The following TLL1 variants were observed in gnomAD, a reference collection of about 807,000 sequenced individuals.
The protein encoded by TLL1 is tolloid like 1.
A neutral mutation model predicts 128.2 loss-of-function variants in TLL1; 49 were observed. The observed-to-expected ratio is 0.38, with a 90% CI of 0.30 to 0.48. The LOEUF is 0.48. Ranked by LOEUF, TLL1 falls within the 20% of genes least tolerant of loss-of-function variation. The pLI is 0.96. For missense variants in TLL1, 1,123 were observed against 1,242.0 expected (o/e 0.90, Z 1.44); for synonymous variants, 454 against 418.8 (o/e 1.08, Z -1.03).
At chr4:165,968,492 C>T (rs931284288) in intron 1 of TLL1, among the ~76,000 whole-genome samples, 2 of 152,024 alleles carry the variant, frequency 1.3e-5, no homozygotes, top group Non-Finnish European at 2.9e-5. Flanking sequence ...ACTTTTTTCC[C>T]CACTATTCTA....
At chr4:166,080,803 T>C (rs1741254033) in intron 18 of TLL1, among the ~76,000 whole-genome samples, 1 of 152,058 alleles carries the variant, frequency 6.6e-6, no homozygotes, top group South Asian at 2.1e-4. Context: ...TTTCTTAGGG[T>C]GGAGGCTGGG....
Position 165,873,858 on chromosome 4 carries a change from G to A in TLL1, c.-47G>A. On this transcript the variant is annotated 5_prime_UTR_variant, in exon 1 of 21. Coordinates refer to ENST00000061240, the MANE Select transcript of TLL1 (RefSeq NM_012464.5). The stretch of plus-strand genomic sequence containing the variant: ...CCGCACATCAGCGCGGACCGCGGCT[G>A]CCTAACCTCTGGGTCCCGTCCCCTC... 1.2e-6 allele frequency: 2 copies of A among 1,610,362 alleles called. No individual in the cohort carries two copies. The highest frequency in any genetic ancestry group is 1.1e-5 in the South Asian group (1 of 90,900).
rs1456044404 is a variant in TLL1 at position 165,989,433 on chromosome 4, A to G, written c.222A>G (p.Gln74=). The change falls in exon 2 of 21, where the codon CAA becomes CAG. Residue 74 remains glutamine (Q), a synonymous_variant. Transcript: ENST00000061240. ...ALDDEDLNIF[Q]IDRTIDLTQN... is the part of the protein sequence containing the mutation. ...ATGATGAAGACTTAAATATCTTTCA[A>G]ATAGATAGGACAATTGACCTTACGC... 2.5e-6 allele frequency: 4 copies of G among 1,612,920 alleles called. No individual in the cohort carries two copies. The highest frequency in any genetic ancestry group is 2.2e-5 in the East Asian group (1 of 44,798).
At chr4:165,956,027 AG>A (rs1734770510) in intron 1 of TLL1, among the ~76,000 whole-genome samples, 2 of 152,006 alleles carry the variant, frequency 1.3e-5, no homozygotes, top group East Asian at 3.9e-4. Flanking sequence ...TCTAAAGGGG[AG>A]GGGGTGTAAA....
intron 1 of TLL1, among the ~76,000 whole-genome samples, chr4:165,966,865 G>A (rs529670514): frequency 1.2e-4 from 18 of 152,246 alleles, no homozygotes; most frequent in Middle Eastern, 3.4e-3. Context: ...CACTGGGCAC[G>A]CATTATCATT....
In TLL1 at chr4:165,874,092, T is replaced by TG. The variant is rs1730615539; in HGVS notation, c.169+22dup. ...AAAGCCGGTAAGTGGCTCTCCAGGT[T>TG]GGGACGGTGGCGCGCCGGGGGCCGC... On this transcript the variant is annotated intron_variant, in intron 1 of 20. Coordinates refer to ENST00000061240, the MANE Select transcript of TLL1 (RefSeq NM_012464.5). 6.2e-7 allele frequency: 1 copy of TG among 1,613,776 alleles called. No individual in the cohort carries two copies. Among genetic ancestry groups the TG allele is most frequent in the South Asian group, 1.1e-5 (1 of 91,064 alleles).
Position 165,960,827 on chromosome 4 carries a change from A to G in TLL1, c.170-28554A>G, listed in dbSNP as rs188939020. Among the ~76,000 whole-genome samples the G allele has an allele frequency of 2.9e-3, 434 of 152,196 alleles. 4 individuals carry two copies. Among genetic ancestry groups the G allele is most frequent in the Admixed American group, 5.7e-3 (87 of 15,272 alleles). ...ACATGTCTCAGAATAATAAGAGTCA[A>G]CTCTGACAAACCCAGAGCCAACATC... On this transcript the variant is annotated intron_variant, in intron 1 of 20. Coordinates refer to ENST00000061240, the MANE Select transcript of TLL1 (RefSeq NM_012464.5).
chr4:166,077,515 T>G (rs1408507017), intron 17 of TLL1, among the ~76,000 whole-genome samples: 1 of 152,160 alleles, frequency 6.6e-6, no homozygotes, highest in African/African-American at 2.4e-5. Context: ...AGGAAAAAAA[T>G]TGAAAATGGC....
intron 1 of TLL1, among the ~76,000 whole-genome samples, chr4:165,957,423 C>T (rs1734855965): frequency 6.6e-6 from 1 of 152,050 alleles, no homozygotes. Flanking sequence ...ACTCCACTAA[C>T]AGCTTTAGAC....
intron 1 of TLL1, among the ~76,000 whole-genome samples, chr4:165,925,241 C>T (rs1159789775): frequency 1.3e-5 from 2 of 152,142 alleles, no homozygotes; most frequent in Non-Finnish European, 2.9e-5. Context: ...TGGGTCTGAG[C>T]AAAGTAAATC....
intron 1 of TLL1, among the ~76,000 whole-genome samples, chr4:165,877,796 T>C (rs79927119): frequency 0.013 from 1,912 of 152,108 alleles, 37 homozygotes; most frequent in African/African-American, 0.043. Context: ...TTTTCTTTTT[T>C]TGTATTTACG....
intron 1 of TLL1, among the ~76,000 whole-genome samples, chr4:165,899,658 A>G (rs1731861953): frequency 6.6e-6 from 1 of 152,102 alleles, no homozygotes; most frequent in African/African-American, 2.4e-5. Context: ...GGTCAATTTT[A>G]GAATAAGTGT....
At chr4:165,970,839 C>A (rs1455490592) in intron 1 of TLL1, among the ~76,000 whole-genome samples, 1 of 152,126 alleles carries the variant, frequency 6.6e-6, no homozygotes, top group Non-Finnish European at 1.5e-5. Flanking sequence ...GGCTTTTCTG[C>A]AACTAATAAA....
At chr4:165,960,166 G>A (rs571492693) in intron 1 of TLL1, among the ~76,000 whole-genome samples, 1 of 151,910 alleles carries the variant, frequency 6.6e-6, no homozygotes, top group African/African-American at 2.4e-5. Flanking sequence ...CAGATCCCAC[G>A]GATAAACAAA....
At chr4:166,045,192 A>C in intron 12 of TLL1, among the ~76,000 whole-genome samples, 1 of 152,108 alleles carries the variant, frequency 6.6e-6, no homozygotes, top group Non-Finnish European at 1.5e-5. Flanking sequence ...TCTTCATATT[A>C]CTTTATTTCT....
At chr4:165,885,448 C>T (rs759366430) in intron 1 of TLL1, among the ~76,000 whole-genome samples, 1 of 151,882 alleles carries the variant, frequency 6.6e-6, no homozygotes, top group African/African-American at 2.4e-5. Context: ...AGGTTTCTGA[C>T]AGTTTTGTTC....
At chr4:165,931,718 C>CAAAAAAAAGAAAAAAA (rs761214388) in intron 1 of TLL1, among the ~76,000 whole-genome samples, 2 of 133,488 alleles carry the variant, frequency 1.5e-5, no homozygotes, top group Non-Finnish European at 3.2e-5. Context: ...GACTCTGTCT[C>CAAAAAAAAGAAAAAAA]AAAAGAAAAA....
At chr4:165,926,289 A>G (rs2110897029) in intron 1 of TLL1, among the ~76,000 whole-genome samples, 1 of 152,316 alleles carries the variant, frequency 6.6e-6, no homozygotes, top group South Asian at 2.1e-4. Flanking sequence ...CAGCTTTAAG[A>G]CAATACAGAG....
chr4:165,951,019 G>C (rs1231589791), intron 1 of TLL1, among the ~76,000 whole-genome samples: 1 of 151,986 alleles, frequency 6.6e-6, no homozygotes, highest in Non-Finnish European at 1.5e-5. Flanking sequence ...TAACCAGATT[G>C]ACCAAGTGAA....
Sources: gnomAD v4.1 joint callset for allele counts (sites outside exome capture counted in the v4.1 genomes callset) on GRCh38, gnomAD v4.1.1 for gene constraint, MANE v1.5 for transcripts, NCBI Gene and HGNC (gene_info 2026-07-23, HGNC 2026-07-21) for gene names.